ST6GAL1: variants seen among roughly 807,000 people sequenced by gnomAD.
The protein encoded by ST6GAL1 is ST6 beta-galactoside alpha-2,6-sialyltransferase 1.
ST6GAL1 carries 20 observed loss-of-function variants against 38.0 expected under a neutral mutation model. The ratio of observed to expected loss-of-function variants is 0.53; its 90% confidence interval spans 0.37 to 0.77. ST6GAL1 has a LOEUF of 0.77. Among genes scored for constraint, ST6GAL1 ranks in the 30% least tolerant of loss-of-function variants. The probability of loss-of-function intolerance (pLI) is 0.00; values close to 1 mark genes in which losing one functional copy is unlikely to be tolerated. For synonymous variants in ST6GAL1, 196 were observed against 188.2 expected, an observed-to-expected ratio of 1.04 and a Z score of -0.34; for missense variants, 432 against 496.4, an observed-to-expected ratio of 0.87 and a Z score of 1.23.
intron 2 of ST6GAL1, among the ~76,000 whole-genome samples, chr3:186,976,647 C>T (rs1426273732): frequency 6.6e-6 from 1 of 152,174 alleles, no homozygotes; most frequent in South Asian, 2.1e-4. Context: ...CCAGGCTGGC[C>T]TCAAACTCCT....
chr3:187,044,692 T>C (rs182136134), intron 4 of ST6GAL1, among the ~76,000 whole-genome samples: 1 of 152,190 alleles, frequency 6.6e-6, no homozygotes. Flanking sequence ...CAAGTTAATA[T>C]TGCGTGCCTG....
chr3:187,055,907 G>A (rs953103348), intron 5 of ST6GAL1, among the ~76,000 whole-genome samples: 1 of 152,130 alleles, frequency 6.6e-6, no homozygotes, highest in Non-Finnish European at 1.5e-5. Context: ...ACAGTGGGGT[G>A]TTGAAGTCTC....
chr3:187,051,344 C>A lies in ST6GAL1; in HGVS notation c.703C>A (p.Gln235Lys). 1.2e-6 allele frequency: 2 copies of A among 1,613,974 alleles called. No individual in the cohort carries two copies. The highest frequency in any genetic ancestry group is 1.7e-6 in the Non-Finnish European group (2 of 1,179,902). ...AACTACCATTCGCCTGATGAACTCT[C>A]AGGTAAAATTTCTTCTGTGCAGCTA... The part of the protein sequence containing the change: ...TKTTIRLMNS[Q>K]LVTTEKRFLK... Residue 235 changes from glutamine to lysine, a missense_variant and splice_region_variant, in exon 5 of 8, where the codon CAG (glutamine) becomes AAG (lysine). Gln to Lys is a moderately conservative substitution (Grantham distance 53). Coordinates refer to ENST00000169298, the MANE Select transcript of ST6GAL1 (RefSeq NM_173216.2).
rs535346654 is a variant in ST6GAL1 at position 186,962,497 on chromosome 3, C to T, written c.-324-1288C>T. Among the ~76,000 whole-genome samples, 24 of 152,026 alleles carry T rather than the reference C, an allele frequency of 1.6e-4. No individual in the cohort carries two copies. The South Asian group carries it at 2.3e-3, about 14-fold the overall frequency. ...ACTAGAAATGGTTACACCAGGTGAA[C>T]GAGGATATGTGGGTGAGGGAGGGGC... On this transcript the variant is annotated intron_variant, in intron 1 of 7. Coordinates refer to ENST00000169298, the MANE Select transcript of ST6GAL1 (RefSeq NM_173216.2).
chr3:186,944,217 C>G (rs1167908415), intron 1 of ST6GAL1, among the ~76,000 whole-genome samples: 1 of 152,116 alleles, frequency 6.6e-6, no homozygotes, highest in African/African-American at 2.4e-5. Context: ...ATTTGTGAGC[C>G]CAGGTAGTGC....
At chr3:187,073,181 A>G (rs2108605332) in intron 6 of ST6GAL1, among the ~76,000 whole-genome samples, 1 of 152,212 alleles carries the variant, frequency 6.6e-6, no homozygotes, top group East Asian at 1.9e-4. Context: ...CAGTTATAGT[A>G]TTTACTGGGA....
chr3:186,996,900 T>C (rs1716430733), intron 2 of ST6GAL1, among the ~76,000 whole-genome samples: 2 of 151,912 alleles, frequency 1.3e-5, no homozygotes, highest in South Asian at 2.1e-4. Context: ...TCCTGCACTT[T>C]CCACCTTGTA....
chr3:187,070,444 T>TC (rs1491423083), intron 5 of ST6GAL1, among the ~76,000 whole-genome samples: 1 of 120,276 alleles, frequency 8.3e-6, no homozygotes. Context: ...TTTTTTTTTT[T>TC]CGAGATGGAG....
chr3:187,025,129 A>G (rs1166744806), intron 2 of ST6GAL1, among the ~76,000 whole-genome samples: 4 of 151,924 alleles, frequency 2.6e-5, no homozygotes, highest in South Asian at 4.1e-4. Context: ...TCTCGATGCC[A>G]TGGGAGTTAG....
At chr3:187,011,890 C>T (rs1247829936) in intron 2 of ST6GAL1, among the ~76,000 whole-genome samples, 1 of 152,146 alleles carries the variant, frequency 6.6e-6, no homozygotes, top group Non-Finnish European at 1.5e-5. Context: ...TGGAAATGCA[C>T]CTTGCAGTAC....
Position 187,076,976 on chromosome 3 carries a change from G to GTTTTTT in ST6GAL1, c.*1180_*1185dup, listed in dbSNP as rs778042990. ...CCAAATCTTCTCCTAACCACCATCT[G>GTTTTTT]TTTTTTTTTTTTAAAGCATTTTTTG... On this transcript the variant is annotated 3_prime_UTR_variant, in exon 8 of 8. Transcript: ENST00000169298. The GTTTTTT allele has an allele frequency of 4.1e-3, 1,531 of 376,266 alleles. 36 individuals are homozygous for GTTTTTT. In the Admixed American group the frequency reaches 0.049, roughly 12 times the overall value. 23.3% of individuals were successfully genotyped at this position (376,266 alleles called of 1,614,324 possible).
chr3:186,940,782 TG>T (rs1461837731), intron 1 of ST6GAL1, among the ~76,000 whole-genome samples: 52 of 79,562 alleles, frequency 6.5e-4, no homozygotes, highest in African/African-American at 2.3e-3. Context: ...CCCATGTCAG[TG>T]TTTTTTTTTT....
chr3:186,982,678 TTCTC>T (rs1280824821), intron 2 of ST6GAL1, among the ~76,000 whole-genome samples: 2 of 151,972 alleles, frequency 1.3e-5, no homozygotes, highest in African/African-American at 2.4e-5. Context: ...CTGTGTGTAA[TTCTC>T]TCTGTCTTAT....
Position 187,076,453 on chromosome 3 carries a change from A to C in ST6GAL1, c.*650A>C. ...CCCTCTCCATGTGGAGATGGAAGGT[A>C]GAGAAGGATACAGTGTCTATCCTCA... On this transcript the variant is annotated 3_prime_UTR_variant, in exon 8 of 8. Coordinates refer to ENST00000169298, the MANE Select transcript of ST6GAL1 (RefSeq NM_173216.2). 5.8e-6 allele frequency: 1 copy of C among 172,336 alleles called. No individual in the cohort carries two copies. 10.7% of individuals were successfully genotyped at this position (172,336 alleles called of 1,614,324 possible).
At chr3:187,018,875 C>A (rs186454422) in intron 2 of ST6GAL1, among the ~76,000 whole-genome samples, 1 of 152,258 alleles carries the variant, frequency 6.6e-6, no homozygotes, top group East Asian at 1.9e-4. Context: ...AACCAGAGTC[C>A]CTTGTCCAGG....
At chr3:186,961,543 G>C (rs1714936686) in intron 1 of ST6GAL1, among the ~76,000 whole-genome samples, 1 of 152,152 alleles carries the variant, frequency 6.6e-6, no homozygotes, top group African/African-American at 2.4e-5. Flanking sequence ...AAATATTGGA[G>C]ATCTGCAAAC....
intron 1 of ST6GAL1, among the ~76,000 whole-genome samples, chr3:186,934,251 G>T (rs1713860146): frequency 6.6e-6 from 1 of 152,182 alleles, no homozygotes; most frequent in Non-Finnish European, 1.5e-5. Flanking sequence ...AAACCAGCAG[G>T]CTGGGCCAGG....
chr3:186,960,831 G>A (rs893188197), intron 1 of ST6GAL1, among the ~76,000 whole-genome samples: 1 of 151,110 alleles, frequency 6.6e-6, no homozygotes. Flanking sequence ...AGTGGCCCGC[G>A]GCCACTAGAC....
At chr3:186,948,528 AGTGTGTGTGTGTGTGTGT>A (rs36234165) in intron 1 of ST6GAL1, among the ~76,000 whole-genome samples, 17 of 146,238 alleles carry the variant, frequency 1.2e-4, no homozygotes, top group South Asian at 4.5e-4. Flanking sequence ...CAGAAACTCT[AGTGTGTGTGTGTGTGTGT>A]GTGTGTGTGT....
Sources: gnomAD v4.1 joint callset for allele counts (sites outside exome capture counted in the v4.1 genomes callset) on GRCh38, gnomAD v4.1.1 for gene constraint, MANE v1.5 for transcripts, NCBI Gene and HGNC (gene_info 2026-07-23, HGNC 2026-07-21) for gene names.